The following CECR2 variants were observed in gnomAD, a reference collection of about 807,000 sequenced individuals.
CECR2 encodes chromatin remodeling regulator CECR2.
Under a neutral mutation model 154.5 loss-of-function variants are expected in CECR2, and 30 were observed. That is an observed-to-expected ratio of 0.19 (90% CI 0.15 to 0.26). The LOEUF is 0.26. CECR2 is among the 10% of genes least tolerant of loss of function. The probability of loss-of-function intolerance (pLI) is 1.00; values close to 1 mark genes in which losing one functional copy is unlikely to be tolerated. For missense variants in CECR2, 1,743 were observed against 1,829.3 expected (o/e 0.95, Z 0.86); for synonymous variants, 725 against 683.7 (o/e 1.06, Z -0.94).
intron 1 of CECR2, among the ~76,000 whole-genome samples, chr22:17,436,799 GT>G (rs1456865175): frequency 6.6e-6 from 1 of 152,188 alleles, no homozygotes; most frequent in Non-Finnish European, 1.5e-5. Flanking sequence ...TCCTATTTTT[GT>G]TTCAGGGTAA....
intron 1 of CECR2, among the ~76,000 whole-genome samples, chr22:17,447,514 C>A (rs1246832055): frequency 3.3e-5 from 5 of 152,030 alleles, no homozygotes; most frequent in African/African-American, 1.2e-4. Context: ...CCACTGCACT[C>A]CAGCCTGGGC....
chr22:17,537,765 G>A (rs2056459652), intron 10 of CECR2, among the ~76,000 whole-genome samples: 1 of 152,126 alleles, frequency 6.6e-6, no homozygotes, highest in African/African-American at 2.4e-5. Context: ...GGCTGAGGTG[G>A]GCAGATCACC....
intron 1 of CECR2, among the ~76,000 whole-genome samples, chr22:17,391,227 G>C (rs1164869244): frequency 6.6e-6 from 1 of 152,174 alleles, no homozygotes. Context: ...AATATCCTCA[G>C]TTGTCCCCAC....
intron 7 of CECR2, among the ~76,000 whole-genome samples, chr22:17,510,470 A>AC (rs56072720): frequency 0.22 from 33,392 of 152,018 alleles, 4,079 homozygotes; most frequent in East Asian, 0.47. Flanking sequence ...AACCTATGAA[A>AC]AAAAAAAAGA....
chr22:17,541,181 G>A (rs567248749), intron 14 of CECR2, among the ~76,000 whole-genome samples: 1 of 152,286 alleles, frequency 6.6e-6, no homozygotes, highest in South Asian at 2.1e-4. Flanking sequence ...ATCTGGCTGG[G>A]CGCAGTGGCC....
intron 2 of CECR2, among the ~76,000 whole-genome samples, chr22:17,486,345 A>G (rs905239468): frequency 4.6e-5 from 7 of 152,204 alleles, no homozygotes. Context: ...TTGTTGCCAA[A>G]ATAAAGTGGT....
intron 1 of CECR2, among the ~76,000 whole-genome samples, chr22:17,395,101 G>A (rs1383141856): frequency 5.9e-5 from 9 of 152,098 alleles, no homozygotes; most frequent in African/African-American, 1.2e-4. Flanking sequence ...GTCCCTTGGC[G>A]GTTGACCCCA....
In CECR2 at chr22:17,542,681, T is replaced by C. The variant is rs780822421; in HGVS notation, c.2538T>C (p.Ser846=). The C allele has an allele frequency of 1.9e-6, 3 of 1,614,046 alleles. No homozygotes were observed. The highest frequency in any genetic ancestry group is 2.5e-6 in the Non-Finnish European group (3 of 1,179,904). Residue 846 remains serine (S), a synonymous_variant, in exon 16 of 19, where the codon TCT becomes TCC. Transcript: ENST00000262608. ...SSGYMRPPCK[S]AGHRLQPPPV... ...GGTACATGCGACCGCCCTGCAAGTC[T>C]GCCGGACATCGGTTACAGCCACCTC...
rs190957340 is a variant in CECR2, at chr22:17,416,177, A to C, written c.126+46268A>C. Among the ~76,000 whole-genome samples, 53 of 152,306 alleles carry C rather than the reference A, an allele frequency of 3.5e-4. No homozygotes were observed. The East Asian group carries it at 7.5e-3, about 22-fold the overall frequency. On this transcript the variant is annotated intron_variant, in intron 1 of 18. Transcript: ENST00000262608. Reference sequence around the variant, plus strand: ...TCTAAATAGTGACAGATCTCTTATAAAATATGTTCGCATATATAGAGTTCA... The same window carrying C: ...TCTAAATAGTGACAGATCTCTTATACAATATGTTCGCATATATAGAGTTCA...
chr22:17,396,857 C>T (rs1015125163), intron 1 of CECR2, among the ~76,000 whole-genome samples: 2 of 152,122 alleles, frequency 1.3e-5, no homozygotes, highest in African/African-American at 4.8e-5. Context: ...GATGACAGGA[C>T]GTGAAGTAGA....
intron 1 of CECR2, among the ~76,000 whole-genome samples, chr22:17,382,864 T>C (rs1254050384): frequency 6.6e-6 from 1 of 151,914 alleles, no homozygotes; most frequent in Non-Finnish European, 1.5e-5. Context: ...TTTGCAACAC[T>C]GCACTCCCCC....
At chr22:17,378,166 G>T (rs1383233954) in intron 1 of CECR2, among the ~76,000 whole-genome samples, 1 of 151,242 alleles carries the variant, frequency 6.6e-6, no homozygotes, top group African/African-American at 2.4e-5. Context: ...TGTGTTTTTA[G>T]TAGAGACGGG....
intron 1 of CECR2, among the ~76,000 whole-genome samples, chr22:17,370,556 C>T (rs2063046736): frequency 6.6e-6 from 1 of 152,136 alleles, no homozygotes; most frequent in Non-Finnish European, 1.5e-5. Context: ...GTCCTTCCTC[C>T]CGTAATATCC....
intron 1 of CECR2, among the ~76,000 whole-genome samples, chr22:17,421,614 C>CAAAA (rs34156323): frequency 0.018 from 431 of 23,380 alleles, 23 homozygotes; most frequent in African/African-American, 0.03. Context: ...GACTCCGTCT[C>CAAAA]AAAAAAAAAA....
At chr22:17,538,390 C>A in intron 10 of CECR2, 130 bp from the exon 11 acceptor site, 1 of 795,864 alleles carries the variant, frequency 1.3e-6, no homozygotes. Context: ...GTGTCACAGG[C>A]TCATCTAAAC....
Position 17,400,360 on chromosome 22 carries a change from T to G in CECR2, c.126+30451T>G, listed in dbSNP as rs564850406. The stretch of plus-strand genomic sequence containing the variant: ...GCAGAACTTAGTGGCAGCCAGTCAC[T>G]GAGGTGTGTGGAGTAGATGAGGAGG... On this transcript the variant is annotated intron_variant, in intron 1 of 18. Coordinates refer to ENST00000262608, the MANE Select transcript of CECR2 (RefSeq NM_001290047.2). Among the ~76,000 whole-genome samples, 7 of 152,280 alleles carry G rather than the reference T, an allele frequency of 4.6e-5. No homozygotes were observed. In the South Asian group the frequency reaches 1.4e-3, roughly 32 times the overall value.
chr22:17,552,191 G>A (rs1218759319), intron 18 of CECR2, 49 bp downstream of exon 18: 1 of 1,523,794 alleles, frequency 6.6e-7, no homozygotes, highest in East Asian at 2.3e-5. Flanking sequence ...CAGGTGGTAG[G>A]AAGTAAGTAT....
At chr22:17,454,781 A>C (rs1320711910) in intron 1 of CECR2, among the ~76,000 whole-genome samples, 4 of 152,210 alleles carry the variant, frequency 2.6e-5, no homozygotes, top group Non-Finnish European at 5.9e-5. Context: ...TTTTAATTTT[A>C]AGCATACCAA....
intron 1 of CECR2, among the ~76,000 whole-genome samples, chr22:17,435,344 A>T (rs774945511): frequency 4.6e-5 from 7 of 152,206 alleles, no homozygotes; most frequent in Non-Finnish European, 1.0e-4. Flanking sequence ...TCAGATTGAC[A>T]GTCCATGAAC....
Sources: allele counts gnomAD v4.1 joint callset (sites outside exome capture counted in the v4.1 genomes callset), GRCh38; gene constraint gnomAD v4.1.1; transcripts MANE v1.5; gene names NCBI Gene and HGNC (gene_info 2026-07-23, HGNC 2026-07-21).